The following UNC13B variants were observed in gnomAD, a reference collection of about 807,000 sequenced individuals.
The protein encoded by UNC13B is protein unc-13 homolog B.
In UNC13B, 144 loss-of-function variants were observed where a neutral mutation model predicts 211.0. The ratio of observed to expected loss-of-function variants is 0.68; its 90% confidence interval spans 0.60 to 0.78. UNC13B has a LOEUF of 0.78. Ranked by LOEUF, UNC13B falls within the 30% of genes least tolerant of loss-of-function variation. The pLI is 0.00. For synonymous variants in UNC13B, 709 were observed against 725.8 expected (o/e 0.98, Z 0.37); for missense variants, 1,777 against 2,002.0 (o/e 0.89, Z 2.14).
rs1254528521 is a variant in UNC13B at position 35,398,215 on chromosome 9, G to A, written c.11759G>A (p.Cys3920Tyr). 1 of 1,613,498 alleles carries A rather than the reference G, an allele frequency of 6.2e-7. No individual in the cohort carries two copies. Among genetic ancestry groups the A allele is most frequent in the Non-Finnish European group, 8.5e-7 (1 of 1,179,770 alleles). Reference protein sequence around the residue: ...PAYCTKEKLPCILMNNVQQLR... With the variant: ...PAYCTKEKLPYILMNNVQQLR... ...CAGCTACATCTGTCCCCAAAGCCCT[G>A]CATCCTGATGAACAACGTGCAGCAA... Residue 3920 changes from cysteine (C) to tyrosine (Y), a missense_variant, in exon 31 of 40, where the codon TGC (cysteine) becomes TAC (tyrosine). Coordinates refer to ENST00000635942, the MANE Select transcript of UNC13B (RefSeq NM_001371189.2).
At chr9:35,350,733 G>A (rs34502395) in intron 11 of UNC13B, among the ~76,000 whole-genome samples, 3 of 151,964 alleles carry the variant, frequency 2.0e-5, no homozygotes, top group South Asian at 4.1e-4. Context: ...TTTAAAATAC[G>A]TAAACCATTG....
rs544384540 is a variant in UNC13B at position 35,392,375 on chromosome 9, A to G, written c.11308+1661A>G. Reference sequence around the variant, plus strand: ...TAATGAAGAGCTGTTGTAATAATTTAGGGATAGAGGGTGCTGGGATTAGAG... The same window carrying G: ...TAATGAAGAGCTGTTGTAATAATTTGGGGATAGAGGGTGCTGGGATTAGAG... On this transcript the variant is annotated intron_variant, in intron 26 of 39. Coordinates refer to ENST00000635942, the MANE Select transcript of UNC13B (RefSeq NM_001371189.2). Among the ~76,000 whole-genome samples the G allele has an allele frequency of 4.3e-4, 66 of 152,244 alleles. 1 individual carries two copies. The highest frequency in any genetic ancestry group is 1.6e-3 in the African/African-American group (65 of 41,542).
intron 11 of UNC13B, chr9:35,351,890 C>G (rs1464326706): frequency 4.9e-6 from 6 of 1,232,258 alleles, no homozygotes; most frequent in Non-Finnish European, 6.1e-6. Flanking sequence ...AACCAAGACC[C>G]TTTTGTCCAG....
At position 35,300,300 on chromosome 9, in the gene UNC13B, A is replaced by C; in HGVS notation, c.896A>C (p.Asn299Thr). The change falls in exon 9 of 40, where the codon AAT becomes ACT. Residue 299 changes from asparagine to threonine, a missense_variant. Asn to Thr is a moderately conservative substitution (Grantham distance 65). Coordinates refer to ENST00000635942, the MANE Select transcript of UNC13B (RefSeq NM_001371189.2). ...TKTNYKSTYS[N>T]TENCTLCHTE... is the part of the protein sequence containing the mutation. Reference sequence around the variant, plus strand: ...ACTAACTACAAAAGTACATATTCTAATACTGAAAATTGTACCCTTTGCCAT... The same window carrying C: ...ACTAACTACAAAAGTACATATTCTACTACTGAAAATTGTACCCTTTGCCAT... The C allele has an allele frequency of 2.5e-6, 1 of 398,942 alleles. No homozygotes were observed. The allele number at this position is 398,942 out of a possible 1,614,324, so 24.7% of individuals were successfully genotyped here.
At chr9:35,193,657 CAAAAA>C (rs748105027) in intron 1 of UNC13B, among the ~76,000 whole-genome samples, 2 of 56,182 alleles carry the variant, frequency 3.6e-5, no homozygotes, top group Non-Finnish European at 4.1e-5. Flanking sequence ...GACTCCGTCT[CAAAAA>C]AAAAAAAAAA....
chr9:35,297,213 G>A (rs987615318), intron 8 of UNC13B, among the ~76,000 whole-genome samples: 3 of 149,410 alleles, frequency 2.0e-5, no homozygotes, highest in African/African-American at 4.9e-5. Flanking sequence ...CTCAGCCTCC[G>A]GAGTAGCTGA....
intron 11 of UNC13B, chr9:35,351,438 G>T (rs915169982): frequency 2.4e-6 from 3 of 1,230,950 alleles, no homozygotes; most frequent in African/African-American, 3.1e-5. Context: ...AGCAGGACAG[G>T]CTGTTGCCTT....
chr9:35,222,456 A>C (rs2381301), intron 1 of UNC13B, among the ~76,000 whole-genome samples: 114,145 of 152,046 alleles, frequency 0.75, 43,278 homozygotes, highest in Non-Finnish European at 0.81. Context: ...AATACATATA[A>C]ATTTTATTAT....
intron 11 of UNC13B, among the ~76,000 whole-genome samples, chr9:35,325,915 T>C (rs952437012): frequency 3.9e-4 from 60 of 152,248 alleles, no homozygotes; most frequent in African/African-American, 1.4e-3. Flanking sequence ...TTGGCTATTA[T>C]GAATAATGCA....
intron 1 of UNC13B, among the ~76,000 whole-genome samples, chr9:35,187,800 G>T (rs770908460): frequency 1.3e-5 from 2 of 152,122 alleles, no homozygotes; most frequent in Non-Finnish European, 2.9e-5. Flanking sequence ...TTAGAAAGTG[G>T]CATTCTTTAC....
At chr9:35,294,841 T>C (rs1829271718) in intron 7 of UNC13B, among the ~76,000 whole-genome samples, 1 of 152,246 alleles carries the variant, frequency 6.6e-6, no homozygotes, top group African/African-American at 2.4e-5. Context: ...AGCACAGCGA[T>C]GATTTGTAAG....
At position 35,403,238 on chromosome 9, in the gene UNC13B, G is replaced by A. The variant is rs1448698612; in HGVS notation, c.12556G>A (p.Glu4186Lys). 1 of 1,614,046 alleles carries A rather than the reference G, an allele frequency of 6.2e-7. No individual in the cohort carries two copies. The highest frequency in any genetic ancestry group is 8.5e-7 in the Non-Finnish European group (1 of 1,180,028). Residue 4186 changes from glutamate (E) to lysine (K), a missense_variant, in exon 38 of 40, where the codon GAG becomes AAG. Physicochemically the swap from Glu to Lys is moderately conservative, Grantham distance 56 (BLOSUM62 1). Transcript: ENST00000635942. ...CTTGTTTACACACCCTGGTACTGGG[G>A]AGCACAAGGTCACAGTGAAAGGTGA... is the stretch of plus-strand genomic sequence containing the variant. ...VDLFTHPGTG[E>K]HKVTVKVVAA...
intron 1 of UNC13B, among the ~76,000 whole-genome samples, chr9:35,186,753 G>T (rs780347325): frequency 6.6e-6 from 1 of 151,990 alleles, no homozygotes; most frequent in Non-Finnish European, 1.5e-5. Flanking sequence ...GGGAAGGCTG[G>T]CCACCTCACC....
At chr9:35,198,574 C>T (rs1380063575) in intron 1 of UNC13B, among the ~76,000 whole-genome samples, 1 of 152,022 alleles carries the variant, frequency 6.6e-6, no homozygotes, top group Non-Finnish European at 1.5e-5. Flanking sequence ...TATAAAGATA[C>T]CTGAAAATGT....
At chr9:35,330,008 G>A (rs1458172335) in intron 11 of UNC13B, among the ~76,000 whole-genome samples, 2 of 152,100 alleles carry the variant, frequency 1.3e-5, no homozygotes, top group African/African-American at 4.8e-5. Context: ...TTTTGTATCC[G>A]TTTACTGTTA....
At chr9:35,231,884 G>A (rs1825222892) in intron 3 of UNC13B, among the ~76,000 whole-genome samples, 1 of 151,944 alleles carries the variant, frequency 6.6e-6, no homozygotes, top group Non-Finnish European at 1.5e-5. Context: ...TACAAAAGGG[G>A]AGAAAAGTAT....
At chr9:35,343,559 C>A (rs17296428) in intron 11 of UNC13B, among the ~76,000 whole-genome samples, 1 of 152,008 alleles carries the variant, frequency 6.6e-6, no homozygotes, top group Non-Finnish European at 1.5e-5. Flanking sequence ...TTTTTTGTAC[C>A]TTGAGGAGGA....
At chr9:35,186,142 G>A (rs1465915993) in intron 1 of UNC13B, among the ~76,000 whole-genome samples, 1 of 152,082 alleles carries the variant, frequency 6.6e-6, no homozygotes, top group Non-Finnish European at 1.5e-5. Flanking sequence ...GAGATGTTAA[G>A]ACTGACAAAA....
At chr9:35,278,311 G>A (rs188318069) in intron 7 of UNC13B, among the ~76,000 whole-genome samples, 12 of 152,224 alleles carry the variant, frequency 7.9e-5, no homozygotes, top group East Asian at 1.9e-4. Context: ...TAAATGTGTC[G>A]TAGAATTGAA....
Sources: allele counts gnomAD v4.1 joint callset (sites outside exome capture counted in the v4.1 genomes callset), GRCh38; gene constraint gnomAD v4.1.1; transcripts MANE v1.5; gene names NCBI Gene and HGNC (gene_info 2026-07-23, HGNC 2026-07-21).